The following TMPRSS3 variants were observed in gnomAD, a reference collection of about 807,000 sequenced individuals.
TMPRSS3 encodes the protein transmembrane serine protease 3.
Under a neutral mutation model 59.6 loss-of-function variants are expected in TMPRSS3, and 55 were observed. That is an observed-to-expected ratio of 0.92 (90% CI 0.74 to 1.16). TMPRSS3 has a LOEUF of 1.16. Among genes scored for constraint, TMPRSS3 ranks in the 50% most tolerant of loss-of-function variants. The pLI is 0.00. For missense variants in TMPRSS3, 596 were observed against 579.4 expected (o/e 1.03, Z -0.29); for synonymous variants, 257 against 237.7 (o/e 1.08, Z -0.75).
chr21:42,376,407 G>T, intron 11 of TMPRSS3, 134 bp downstream of exon 11: 1 of 1,294,230 alleles, frequency 7.7e-7, no homozygotes, highest in Non-Finnish European at 1.1e-6. Flanking sequence ...GAAAAGGAGT[G>T]ATATCTTGAG....
intron 2 of TMPRSS3, among the ~76,000 whole-genome samples, chr21:42,391,913 T>C (rs2052739383): frequency 6.6e-6 from 1 of 152,180 alleles, no homozygotes; most frequent in Non-Finnish European, 1.5e-5. Context: ...TGGCCAGAAG[T>C]ATAAGCCTCT....
chr21:42,393,510 T>C (rs1337233209), intron 2 of TMPRSS3, among the ~76,000 whole-genome samples: 1 of 152,012 alleles, frequency 6.6e-6, no homozygotes, highest in Non-Finnish European at 1.5e-5. Flanking sequence ...TACGCAAATA[T>C]CGACCCCCAA....
At chr21:42,382,959 C>A (rs988268301) in intron 8 of TMPRSS3, 74 bp downstream of exon 8, 2 of 1,591,720 alleles carry the variant, frequency 1.3e-6, no homozygotes, top group African/African-American at 2.7e-5. Flanking sequence ...CCGCTTCTCA[C>A]CACCCAAAGC....
chr21:42,387,503 T>C lies in TMPRSS3; in HGVS notation c.446+900A>G, dbSNP rs560293901. Among the ~76,000 whole-genome samples, 52 of 152,116 alleles carry C rather than the reference T, an allele frequency of 3.4e-4. 1 individual carries two copies. On this transcript the variant is annotated intron_variant, in intron 5 of 12. Transcript: ENST00000644384. The stretch of plus-strand genomic sequence containing the variant: ...ACTTGAATTGCAGCTCATTTCTGAA[T>C]CTCAGTTGGTGTGGAGGGAGAGGGA...
At chr21:42,376,771 G>A in intron 10 of TMPRSS3, 88 bp from the exon 11 acceptor site, 11 of 1,593,166 alleles carry the variant, frequency 6.9e-6, no homozygotes, top group South Asian at 1.1e-5. Flanking sequence ...GGGGGTGAGG[G>A]AACGAGGGAC....
chr21:42,395,108 G>A lies in TMPRSS3; in HGVS notation c.94+216C>T, dbSNP rs186836012. On this transcript the variant is annotated intron_variant, in intron 2 of 12. Transcript: ENST00000644384. The stretch of plus-strand genomic sequence containing the variant: ...ACCTCCAACAAGAGAAGAAAACACC[G>A]GTCTCCAGGGAGAGAGCAAAGGGCT... 2.8e-3 allele frequency among the ~76,000 whole-genome samples: 433 copies of A among 152,216 alleles called. 3 individuals carry two copies. The highest frequency in any genetic ancestry group is 9.1e-3 in the African/African-American group (376 of 41,538).
At position 42,380,265 on chromosome 21, in the gene TMPRSS3, A is replaced by G. The variant is rs1007624940; in HGVS notation, c.953-53T>C. 504 of 1,443,900 alleles carry G rather than the reference A, an allele frequency of 3.5e-4. 1 individual carries two copies. Among genetic ancestry groups the G allele is most frequent in the Non-Finnish European group, 2.5e-4 (262 of 1,031,040 alleles). 89.4% of individuals were successfully genotyped at this position (1,443,900 alleles called of 1,614,324 possible). ...ACTCAATTGAAGCAGGAGTCCGAGA[A>G]AACAATCTCATCTATGCTTCTGCCT... On this transcript the variant is annotated intron_variant, in intron 9 of 12. Transcript: ENST00000644384.
chr21:42,381,353 G>T (rs1283393532), intron 9 of TMPRSS3, among the ~76,000 whole-genome samples: 1 of 152,166 alleles, frequency 6.6e-6, no homozygotes, highest in African/African-American at 2.4e-5. Flanking sequence ...AGCTGAGGGT[G>T]CCCAGCATCT....
rs765638949 is a variant in TMPRSS3 at position 42,378,529 on chromosome 21, CAG to C, written c.1048+1586_1048+1587del. Among the ~76,000 whole-genome samples the C allele has an allele frequency of 8.5e-4, 130 of 152,228 alleles. 1 individual carries two copies. Among genetic ancestry groups the C allele is most frequent in the Admixed American group, 2.4e-3 (36 of 15,298 alleles). On this transcript the variant is annotated intron_variant, in intron 10 of 12. Coordinates refer to ENST00000644384, the MANE Select transcript of TMPRSS3 (RefSeq NM_001256317.3). ...ACACAGGAGAGGGAAGTTTGAGATA[CAG>C]AGACACAGGGGGCAAAGCCACGGGA... is the stretch of plus-strand genomic sequence containing the variant.
chr21:42,380,524 G>A (rs544752442), intron 9 of TMPRSS3, among the ~76,000 whole-genome samples: 77 of 152,338 alleles, frequency 5.1e-4, no homozygotes, highest in African/African-American at 1.8e-3. Context: ...GCGGTCTCTG[G>A]CTGCCATTGG....
chr21:42,383,921 T>A, intron 7 of TMPRSS3, 49 bp downstream of exon 7: 3 of 1,600,600 alleles, frequency 1.9e-6, no homozygotes, highest in Middle Eastern at 1.7e-4. Flanking sequence ...GAGATAGGAC[T>A]TAGCATGTGC....
intron 2 of TMPRSS3, among the ~76,000 whole-genome samples, chr21:42,392,569 A>ATGAG (rs1601535469): frequency 6.6e-6 from 1 of 152,038 alleles, no homozygotes; most frequent in East Asian, 1.9e-4. Flanking sequence ...AGATGAATGA[A>ATGAG]TGACATCATG....
chr21:42,383,701 G>A (rs548887701), intron 7 of TMPRSS3: 11 of 668,746 alleles, frequency 1.6e-5, no homozygotes, highest in Non-Finnish European at 3.1e-5. Flanking sequence ...GGGACTCAAG[G>A]CTCTTCAGAG....
Position 42,372,783 on chromosome 21 carries a change from T to C in TMPRSS3, c.1345-4A>G, listed in dbSNP as rs1445773933. ...CTCTTCAGGTTTTTAGGTCTCTCTA[T>C]AAATGAAAACAAAGGCGTTATTGTT... On this transcript the variant is annotated splice_region_variant and splice_polypyrimidine_tract_variant and intron_variant, in intron 12 of 12. Coordinates refer to ENST00000644384, the MANE Select transcript of TMPRSS3 (RefSeq NM_001256317.3). 6.2e-7 allele frequency: 1 copy of C among 1,613,866 alleles called. No homozygotes were observed. The highest frequency in any genetic ancestry group is 1.3e-5 in the African/African-American group (1 of 74,856).
In TMPRSS3 at chr21:42,380,201, G is replaced by A. The variant is rs778907728; in HGVS notation, c.964C>T (p.Pro322Ser). 6.2e-7 allele frequency: 1 copy of A among 1,613,734 alleles called. No individual in the cohort carries two copies. Among genetic ancestry groups the A allele is most frequent in the Non-Finnish European group, 8.5e-7 (1 of 1,179,802 alleles). ...TCTTCAGAGTTGGGCAGGCACACAG[G>A]CTGGATCATTTCTGCTTGAAGGGAA... ...GPLTFNEMIQPVCLPNSEENF... is the reference protein window; with the variant it reads ...GPLTFNEMIQSVCLPNSEENF... Residue 322 changes from proline to serine, a missense_variant, in exon 10 of 13, where the codon CCT (proline) becomes TCT (serine). Coordinates refer to ENST00000644384, the MANE Select transcript of TMPRSS3 (RefSeq NM_001256317.3).
Position 42,380,208 on chromosome 21 carries a change from C to G in TMPRSS3, c.957G>C (p.Met319Ile), listed in dbSNP as rs115223836. ...KLAGPLTFNE[M>I]IQPVCLPNSE... ...AGTTGGGCAGGCACACAGGCTGGAT[C>G]ATTTCTGCTTGAAGGGAAACAATAG... is the stretch of plus-strand genomic sequence containing the variant. Residue 319 changes from methionine to isoleucine, a missense_variant, in exon 10 of 13, where the codon ATG becomes ATC. By Grantham distance (10) the Met-to-Ile change is conservative. Transcript: ENST00000644384. 4.0e-4 allele frequency: 652 copies of G among 1,613,614 alleles called. 4 individuals are homozygous for G. The African/African-American group carries it at 7.7e-3, about 19-fold the overall frequency.
At chr21:42,389,653 G>T (rs2052701122) in intron 3 of TMPRSS3, among the ~76,000 whole-genome samples, 2 of 152,224 alleles carry the variant, frequency 1.3e-5, no homozygotes, top group African/African-American at 2.4e-5. Flanking sequence ...CCACCTGCAG[G>T]ATTCTATTTC....
At chr21:42,384,687 G>A (rs2052594328) in intron 6 of TMPRSS3, among the ~76,000 whole-genome samples, 1 of 152,190 alleles carries the variant, frequency 6.6e-6, no homozygotes, top group African/African-American at 2.4e-5. Context: ...CTGCAGGTGG[G>A]TCCCGGGGTG....
At chr21:42,385,141 C>T (rs2052612980) in intron 6 of TMPRSS3, among the ~76,000 whole-genome samples, 1 of 144,124 alleles carries the variant, frequency 6.9e-6, no homozygotes, top group Admixed American at 6.9e-5. Flanking sequence ...CCCAGAGTGC[C>T]TGTCACATGA....
Sources: allele counts gnomAD v4.1 joint callset (sites outside exome capture counted in the v4.1 genomes callset), GRCh38; gene constraint gnomAD v4.1.1; transcripts MANE v1.5; gene names NCBI Gene and HGNC (gene_info 2026-07-23, HGNC 2026-07-21).